LRMDA: variants seen among roughly 807,000 people sequenced by gnomAD.
The protein encoded by LRMDA is leucine rich melanocyte differentiation associated.
LRMDA carries 18 observed loss-of-function variants against 29.8 expected under a neutral mutation model. That is an observed-to-expected ratio of 0.60 (90% CI 0.42 to 0.90). The LOEUF (loss-of-function observed/expected upper bound fraction) is 0.90. Among genes scored for constraint, LRMDA ranks in the 40% least tolerant of loss-of-function variants. The pLI, the probability that LRMDA is intolerant of heterozygous loss-of-function variation, is 0.00. For synonymous variants in LRMDA, 125 were observed against 109.4 expected (o/e 1.14, Z -0.89); for missense variants, 273 against 273.9 (o/e 1.00, Z 0.02).
intron 2 of LRMDA, among the ~76,000 whole-genome samples, chr10:75,509,160 G>A (rs772580586): frequency 2.0e-5 from 3 of 152,150 alleles, no homozygotes; most frequent in Non-Finnish European, 4.4e-5. Context: ...GCTGCTGTTT[G>A]TTGGCCCTCA....
chr10:75,467,324 C>A (rs973710174), intron 2 of LRMDA, among the ~76,000 whole-genome samples: 1 of 152,130 alleles, frequency 6.6e-6, no homozygotes. Context: ...GAGTGACTTC[C>A]CCACCTGCCA....
At chr10:76,149,407 C>A (rs1850395956) in intron 5 of LRMDA, among the ~76,000 whole-genome samples, 1 of 152,184 alleles carries the variant, frequency 6.6e-6, no homozygotes, top group African/African-American at 2.4e-5. Context: ...ATGAAAACCT[C>A]ATTTTTCAGT....
At chr10:76,412,093 C>T (rs916681007) in intron 6 of LRMDA, among the ~76,000 whole-genome samples, 3 of 152,136 alleles carry the variant, frequency 2.0e-5, no homozygotes, top group Non-Finnish European at 2.9e-5. Context: ...TGAACATTTC[C>T]CAAATTTTGT....
At chr10:75,901,226 G>A (rs1467416623) in intron 2 of LRMDA, among the ~76,000 whole-genome samples, 18 of 152,274 alleles carry the variant, frequency 1.2e-4, no homozygotes, top group Non-Finnish European at 2.9e-5. Flanking sequence ...CAATGGAAGT[G>A]GGACAGATTT....
chr10:75,472,380 C>T (rs896336962), intron 2 of LRMDA, among the ~76,000 whole-genome samples: 1 of 152,174 alleles, frequency 6.6e-6, no homozygotes, highest in African/African-American at 2.4e-5. Flanking sequence ...CTCGTAACGA[C>T]CCATTTGAGG....
At chr10:76,292,467 G>C (rs991369808) in intron 5 of LRMDA, among the ~76,000 whole-genome samples, 2 of 152,088 alleles carry the variant, frequency 1.3e-5, no homozygotes, top group Admixed American at 6.6e-5. Flanking sequence ...AGTCTCTTTA[G>C]GCTAAATTGT....
At chr10:76,219,429 G>A (rs1399026316) in intron 5 of LRMDA, among the ~76,000 whole-genome samples, 1 of 151,908 alleles carries the variant, frequency 6.6e-6, no homozygotes, top group African/African-American at 2.4e-5. Context: ...GATCTACCAA[G>A]CAAATGGAAA....
chr10:75,550,026 T>C (rs1032481865), intron 2 of LRMDA, among the ~76,000 whole-genome samples: 1 of 152,214 alleles, frequency 6.6e-6, no homozygotes, highest in Non-Finnish European at 1.5e-5. Flanking sequence ...TGTACCACAA[T>C]TCTTGACACA....
chr10:76,069,024 G>A (rs903196087), intron 5 of LRMDA, among the ~76,000 whole-genome samples: 1 of 152,222 alleles, frequency 6.6e-6, no homozygotes, highest in African/African-American at 2.4e-5. Context: ...TCCCCAGAGA[G>A]CCTGTTTCTC....
chr10:76,458,722 C>T (rs1842482568), intron 6 of LRMDA, among the ~76,000 whole-genome samples: 1 of 152,122 alleles, frequency 6.6e-6, no homozygotes, highest in Non-Finnish European at 1.5e-5. Flanking sequence ...AGCCCAGCTT[C>T]ACAGGGGCCA....
intron 5 of LRMDA, among the ~76,000 whole-genome samples, chr10:76,132,792 C>A (rs1850016777): frequency 6.6e-6 from 1 of 151,342 alleles, no homozygotes; most frequent in African/African-American, 2.5e-5. Flanking sequence ...ATTTCACCAG[C>A]TGACAAGCAC....
chr10:75,740,389 G>A (rs1842814844), intron 2 of LRMDA, among the ~76,000 whole-genome samples: 1 of 152,182 alleles, frequency 6.6e-6, no homozygotes, highest in South Asian at 2.1e-4. Context: ...GTGGGGCTGG[G>A]TGGTTGTGGC....
intron 6 of LRMDA, among the ~76,000 whole-genome samples, chr10:76,423,060 T>C (rs1201536566): frequency 1.3e-5 from 2 of 152,162 alleles, no homozygotes; most frequent in Non-Finnish European, 2.9e-5. Flanking sequence ...TCCTCTTTTA[T>C]AGCAAGGACA....
At chr10:76,343,813 A>ATTTTTTTTTTTT (rs5786231) in intron 6 of LRMDA, among the ~76,000 whole-genome samples, 1 of 126,660 alleles carries the variant, frequency 7.9e-6, no homozygotes, top group African/African-American at 3.0e-5. Context: ...TTTACAGGTG[A>ATTTTTTTTTTTT]TTTTTTTTTT....
At chr10:75,727,091 A>AGCTGGCTTTC (rs1339126265) in intron 2 of LRMDA, among the ~76,000 whole-genome samples, 1 of 152,166 alleles carries the variant, frequency 6.6e-6, no homozygotes, top group African/African-American at 2.4e-5. Context: ...CGCTAGCTTT[A>AGCTGGCTTTC]GCTGGCTTTC....
At chr10:75,742,693 C>A (rs1366029492) in intron 2 of LRMDA, 1 of 152,204 alleles carries the variant, frequency 6.6e-6, no homozygotes, top group Non-Finnish European at 1.5e-5. Flanking sequence ...TCATTCTGAA[C>A]AGTGTGAGAA....
chr10:76,372,216 C>A (rs951407321), intron 6 of LRMDA, among the ~76,000 whole-genome samples: 1 of 152,184 alleles, frequency 6.6e-6, no homozygotes, highest in African/African-American at 2.4e-5. Flanking sequence ...CATCTGAGTA[C>A]ACTACCAAAG....
intron 6 of LRMDA, among the ~76,000 whole-genome samples, chr10:76,510,915 A>G (rs1843003834): frequency 6.6e-6 from 1 of 152,192 alleles, no homozygotes; most frequent in South Asian, 2.1e-4. Context: ...TCTTATAACT[A>G]TTAAACTTCA....
At chr10:76,461,087 A>G (rs1842507542) in intron 6 of LRMDA, among the ~76,000 whole-genome samples, 1 of 152,150 alleles carries the variant, frequency 6.6e-6, no homozygotes, top group Admixed American at 6.5e-5. Context: ...GGACAATATA[A>G]AACACAAAAG....
Sources: gnomAD v4.1 joint callset for allele counts (sites outside exome capture counted in the v4.1 genomes callset) on GRCh38, gnomAD v4.1.1 for gene constraint, MANE v1.5 for transcripts, NCBI Gene and HGNC (gene_info 2026-07-23, HGNC 2026-07-21) for gene names.